KIAA1217: variants seen among roughly 807,000 people sequenced by gnomAD.
KIAA1217 encodes KIAA1217, also known as sickle tail protein homolog.
Under a neutral mutation model 163.9 loss-of-function variants are expected in KIAA1217, and 88 were observed. That is an observed-to-expected ratio of 0.54 (90% CI 0.45 to 0.64). The LOEUF is 0.64. KIAA1217 is among the 30% of genes least tolerant of loss of function. The probability of loss-of-function intolerance (pLI) is 0.00; values close to 1 mark genes in which losing one functional copy is unlikely to be tolerated. For synonymous variants in KIAA1217, 903 were observed against 923.1 expected, an observed-to-expected ratio of 0.98 and a Z score of 0.39; for missense variants, 2,372 against 2,475.0, an observed-to-expected ratio of 0.96 and a Z score of 0.88.
chr10:24,014,514 T>G (rs1466090945), intron 2 of KIAA1217, among the ~76,000 whole-genome samples: 3 of 152,120 alleles, frequency 2.0e-5, no homozygotes, highest in African/African-American at 7.2e-5. Flanking sequence ...GTTAGTCTGT[T>G]ATGTGAAAAA....
chr10:24,288,699 C>T (rs141120772), intron 2 of KIAA1217, among the ~76,000 whole-genome samples: 1 of 152,204 alleles, frequency 6.6e-6, no homozygotes, highest in Non-Finnish European at 1.5e-5. Flanking sequence ...TTGGAGTTTG[C>T]CAGACACAGA....
chr10:24,098,881 G>A lies in KIAA1217; in HGVS notation c.-171+91507G>A, dbSNP rs376644806. On this transcript the variant is annotated intron_variant, in intron 2 of 18. Coordinates refer to the KIAA1217 transcript ENST00000376462. ...CACCTGTAGTCCCAGCTACTTGAGAGGCTGAGACAGAAAGATCGCTTGAGA... is the reference window on the plus strand; with the variant it reads ...CACCTGTAGTCCCAGCTACTTGAGAAGCTGAGACAGAAAGATCGCTTGAGA... Among the ~76,000 whole-genome samples the A allele has an allele frequency of 2.0e-5, 3 of 152,100 alleles. No homozygotes were observed. The East Asian group carries it at 5.8e-4, about 29-fold the overall frequency.
chr10:23,854,407 A>T (rs897330572), intron 1 of KIAA1217, among the ~76,000 whole-genome samples: 1 of 151,806 alleles, frequency 6.6e-6, no homozygotes, highest in African/African-American at 2.4e-5. Flanking sequence ...GTTCTTTTAC[A>T]TTTTCTGAGG....
intron 5 of KIAA1217, among the ~76,000 whole-genome samples, chr10:24,450,253 T>A (rs2061282623): frequency 3.3e-5 from 5 of 152,358 alleles, no homozygotes; most frequent in Admixed American, 3.3e-4. Flanking sequence ...TTTGTTCTTG[T>A]GAAAATCACT....
At chr10:23,991,745 G>T (rs1352281985) in intron 1 of KIAA1217, among the ~76,000 whole-genome samples, 2 of 152,136 alleles carry the variant, frequency 1.3e-5, no homozygotes, top group African/African-American at 4.8e-5. Context: ...ACAGGGAATG[G>T]CATTCTAGGG....
intron 6 of KIAA1217, among the ~76,000 whole-genome samples, chr10:24,492,087 A>G (rs1258932116): frequency 6.6e-6 from 1 of 152,228 alleles, no homozygotes; most frequent in Non-Finnish European, 1.5e-5. Flanking sequence ...TGTGGGACGA[A>G]TGAGGACACT....
At chr10:24,476,110 C>A (rs73604488) in intron 6 of KIAA1217, among the ~76,000 whole-genome samples, 15,790 of 152,064 alleles carry the variant, frequency 0.1, 1,017 homozygotes, top group East Asian at 0.15. Context: ...TGCATGAAAA[C>A]AGATTAGTTT....
intron 1 of KIAA1217, among the ~76,000 whole-genome samples, chr10:23,745,633 A>C (rs114047147): frequency 4.0e-3 from 609 of 152,288 alleles, no homozygotes; most frequent in African/African-American, 0.013. Flanking sequence ...GGAAAGAGAA[A>C]TGATGTATTT....
intron 2 of KIAA1217, among the ~76,000 whole-genome samples, chr10:24,168,700 T>A (rs1053831305): frequency 6.6e-6 from 1 of 152,218 alleles, no homozygotes; most frequent in Non-Finnish European, 1.5e-5. Flanking sequence ...GCTGTCCCTG[T>A]TTCCTCTGTT....
chr10:24,040,008 A>G (rs1848565269), intron 2 of KIAA1217, among the ~76,000 whole-genome samples: 1 of 152,110 alleles, frequency 6.6e-6, no homozygotes. Flanking sequence ...CTATAATAAG[A>G]CGTCATTCTA....
intron 2 of KIAA1217, among the ~76,000 whole-genome samples, chr10:24,374,565 A>T (rs2052184038): frequency 6.6e-6 from 1 of 152,150 alleles, no homozygotes; most frequent in African/African-American, 2.4e-5. Context: ...AACTAACTAC[A>T]GTTCTCTTCT....
intron 2 of KIAA1217, among the ~76,000 whole-genome samples, chr10:24,299,106 C>T (rs539980633): frequency 8.5e-5 from 13 of 152,248 alleles, no homozygotes; most frequent in South Asian, 4.1e-4. Flanking sequence ...TATATAATAA[C>T]GCTAATGTCA....
intron 3 of KIAA1217, among the ~76,000 whole-genome samples, chr10:24,400,962 T>TAC (rs375697958): frequency 0.064 from 7,536 of 117,080 alleles, 241 homozygotes; most frequent in Non-Finnish European, 0.092. Flanking sequence ...GCAAGAAACA[T>TAC]ACACACACAC....
intron 5 of KIAA1217, among the ~76,000 whole-genome samples, chr10:24,440,141 A>G (rs906663938): frequency 6.6e-6 from 1 of 152,198 alleles, no homozygotes; most frequent in Non-Finnish European, 1.5e-5. Flanking sequence ...GTCAGAAATG[A>G]TGTGTGACTT....
intron 2 of KIAA1217, among the ~76,000 whole-genome samples, chr10:24,072,742 C>T (rs890600383): frequency 6.6e-6 from 1 of 152,102 alleles, no homozygotes; most frequent in Non-Finnish European, 1.5e-5. Context: ...AAGGGAATGA[C>T]ATGATTAAAT....
At chr10:24,090,265 C>A (rs1475942692) in intron 2 of KIAA1217, among the ~76,000 whole-genome samples, 1 of 136,084 alleles carries the variant, frequency 7.3e-6, no homozygotes, top group African/African-American at 2.8e-5. Flanking sequence ...CTCCTGGTTT[C>A]ACACAATCCT....
In KIAA1217 at chr10:24,501,457, GC is replaced by G; in HGVS notation, c.1914del (p.Thr639ProfsTer6). ...CCTCCCAGCCAGCCTCCACCTGTGG[GC>G]ACCTCAGCCATCCACATGAGCCTGC... ...TVPPSQPPPV[G>X]TSAIHMSLLE... On this transcript the variant is annotated frameshift_variant, in exon 9 of 21. Transcript: ENST00000376454. LOFTEE classifies it high-confidence loss of function. 3 of 1,614,038 alleles carry G rather than the reference GC, an allele frequency of 1.9e-6. No individual in the cohort carries two copies. The highest frequency in any genetic ancestry group is 2.5e-6 in the Non-Finnish European group (3 of 1,179,984).
intron 1 of KIAA1217, among the ~76,000 whole-genome samples, chr10:23,970,550 T>C (rs373915605): frequency 1.3e-5 from 2 of 152,346 alleles, no homozygotes; most frequent in African/African-American, 2.4e-5. Context: ...AGAAAGGATA[T>C]GTTTTTGAAA....
chr10:24,236,809 G>T (rs965560607), intron 2 of KIAA1217, among the ~76,000 whole-genome samples: 3 of 151,700 alleles, frequency 2.0e-5, no homozygotes, highest in African/African-American at 7.3e-5. Flanking sequence ...ACACCAGCAC[G>T]CCGGGCTAAT....
Sources: allele counts gnomAD v4.1 joint callset (sites outside exome capture counted in the v4.1 genomes callset), GRCh38; gene constraint gnomAD v4.1.1; transcripts MANE v1.5; gene names NCBI Gene and HGNC (gene_info 2026-07-23, HGNC 2026-07-21).